Variants in KLHL18 observed in about 807,000 individuals in gnomAD.
The protein encoded by KLHL18 is kelch like family member 18.
In KLHL18, 38 loss-of-function variants were observed where a neutral mutation model predicts 58.5. The observed-to-expected ratio is 0.65, with a 90% CI of 0.50 to 0.85. The LOEUF is 0.85. Among genes scored for constraint, KLHL18 ranks in the 40% least tolerant of loss-of-function variants. The pLI is 0.00. For synonymous variants in KLHL18, 303 were observed against 301.9 expected (o/e 1.00, Z -0.04); for missense variants, 624 against 778.4 (o/e 0.80, Z 2.36).
At chr3:47,290,763 A>G (rs1402482033) in intron 1 of KLHL18, among the ~76,000 whole-genome samples, 1 of 152,182 alleles carries the variant, frequency 6.6e-6, no homozygotes, top group African/African-American at 2.4e-5. Flanking sequence ...CACCTGGCCC[A>G]GCCTTGTCTC....
chr3:47,335,695 A>T (rs1488294510), intron 6 of KLHL18, among the ~76,000 whole-genome samples: 2 of 152,110 alleles, frequency 1.3e-5, no homozygotes, highest in African/African-American at 2.4e-5. Context: ...TTTAGTAGAG[A>T]TGGGGTTTCA....
intron 3 of KLHL18, among the ~76,000 whole-genome samples, chr3:47,324,165 A>G (rs892602264): frequency 5.9e-5 from 9 of 152,026 alleles, no homozygotes; most frequent in African/African-American, 1.9e-4. Context: ...CAGAGGGTGC[A>G]TATGGAGATG....
intron 1 of KLHL18, among the ~76,000 whole-genome samples, chr3:47,294,109 G>A (rs992012941): frequency 6.6e-6 from 1 of 152,116 alleles, no homozygotes; most frequent in African/African-American, 2.4e-5. Flanking sequence ...AATTCTTACC[G>A]ACCTTCTAGT....
intron 1 of KLHL18, among the ~76,000 whole-genome samples, chr3:47,308,518 G>A (rs1559491911): frequency 1.3e-5 from 2 of 152,180 alleles, no homozygotes; most frequent in South Asian, 2.1e-4. Context: ...AGCCTCCCAA[G>A]TAGCTGGGAC....
chr3:47,290,315 T>C (rs1320282189), intron 1 of KLHL18, among the ~76,000 whole-genome samples: 2 of 152,230 alleles, frequency 1.3e-5, no homozygotes, highest in African/African-American at 4.8e-5. Flanking sequence ...TCTACTAGTC[T>C]TTTAGACATA....
Position 47,332,635 on chromosome 3 carries a change from A to G in KLHL18, c.601-522A>G, listed in dbSNP as rs527482113. ...CAGCTCACATTTCTTTGAGTGATACATTTCATAAGGGCTGTAGGGCTTTAG... is the reference window on the plus strand; with the variant it reads ...CAGCTCACATTTCTTTGAGTGATACGTTTCATAAGGGCTGTAGGGCTTTAG... On this transcript the variant is annotated intron_variant, in intron 4 of 9. Transcript: ENST00000232766. 2.6e-5 allele frequency among the ~76,000 whole-genome samples: 4 copies of G among 151,958 alleles called. No individual in the cohort carries two copies. The South Asian group carries it at 8.3e-4, about 32-fold the overall frequency.
At position 47,346,222 on chromosome 3, in the gene KLHL18, C is replaced by G. The variant is rs1704222944; in HGVS notation, c.*2281C>G. The G allele has an allele frequency of 6.6e-6, 1 of 152,620 alleles. No individual in the cohort carries two copies. The highest frequency in any genetic ancestry group is 2.4e-5 in the African/African-American group (1 of 41,438). The allele number at this position is 152,620 out of a possible 1,614,324, so 9.5% of individuals were successfully genotyped here. ...ATGGCAGATCATTTTCTACCATGGCCTGCTGCTCTTGTAGTGGACTTCCTG... is the reference window on the plus strand; with the variant it reads ...ATGGCAGATCATTTTCTACCATGGCGTGCTGCTCTTGTAGTGGACTTCCTG... On this transcript the variant is annotated 3_prime_UTR_variant, in exon 10 of 10. Transcript: ENST00000232766.
intron 3 of KLHL18, among the ~76,000 whole-genome samples, chr3:47,326,861 CGGTGAGCCGAGA>C (rs568904382): frequency 4.8e-4 from 73 of 151,014 alleles, no homozygotes; most frequent in African/African-American, 1.8e-3. Context: ...GTGGAGGTTG[CGGTGAGCCGAGA>C]TCGTGCCATT....
chr3:47,343,713 T>C lies in KLHL18; in HGVS notation c.1497T>C (p.Ser499=). The C allele has an allele frequency of 6.2e-7, 1 of 1,614,190 alleles. No individual in the cohort carries two copies. The highest frequency in any genetic ancestry group is 8.5e-7 in the Non-Finnish European group (1 of 1,180,044). The change falls in exon 10 of 10, where the codon TCT becomes TCC. Residue 499 remains serine, a synonymous_variant. Coordinates refer to ENST00000232766, the MANE Select transcript of KLHL18 (RefSeq NM_025010.5). The part of the protein sequence containing the change: ...GFLSIAEMYS[S]VADQWCLIVP... ...TCAGCATTGCCGAGATGTACAGCTC[T>C]GTGGCAGACCAGTGGTGCCTGATTG...
intron 1 of KLHL18, among the ~76,000 whole-genome samples, chr3:47,305,334 GTTTTTTTT>G (rs397744565): frequency 1.4e-5 from 1 of 70,388 alleles, no homozygotes; most frequent in Non-Finnish European, 2.7e-5. Flanking sequence ...ATTTTGTCAA[GTTTTTTTT>G]TTTTTTTTTT....
intron 1 of KLHL18, among the ~76,000 whole-genome samples, chr3:47,294,108 C>T (rs558503181): frequency 3.6e-4 from 55 of 152,228 alleles, no homozygotes; most frequent in African/African-American, 9.6e-4. Context: ...GAATTCTTAC[C>T]GACCTTCTAG....
At position 47,334,766 on chromosome 3, in the gene KLHL18, G is replaced by A. The variant is rs762159235; in HGVS notation, c.845G>A (p.Cys282Tyr). 1.2e-6 allele frequency: 2 copies of A among 1,614,162 alleles called. No homozygotes were observed. Among genetic ancestry groups the A allele is most frequent in the Non-Finnish European group, 1.7e-6 (2 of 1,180,022 alleles). The change falls in exon 6 of 10, where the codon TGC becomes TAC. Residue 282 changes from cysteine (C) to tyrosine (Y), a missense_variant. Cys to Tyr is a radical substitution (Grantham distance 194). Coordinates refer to ENST00000232766, the MANE Select transcript of KLHL18 (RefSeq NM_025010.5). This position sits in a 1 kb window ranked among gnomAD's most constrained non-coding sequence, Gnocchi z 4.7. ...CCAGCTTTCAGAACCCGGCCACGCT[G>A]CTGCACATCCATCGCTGGACTTATC... is the stretch of plus-strand genomic sequence containing the variant. ...HLPAFRTRPR[C>Y]CTSIAGLIYA... is the part of the protein sequence containing the mutation.
chr3:47,298,371 A>G (rs556226671), intron 1 of KLHL18, among the ~76,000 whole-genome samples: 5 of 151,368 alleles, frequency 3.3e-5, no homozygotes, highest in African/African-American at 4.8e-5. Flanking sequence ...AAAAAAAAAA[A>G]AGAGAAAAAA....
rs1157598329 is a variant in KLHL18, at chr3:47,330,052, TG to T, written c.505del (p.Glu169ArgfsTer25). 1.2e-6 allele frequency: 2 copies of T among 1,614,178 alleles called. No individual in the cohort carries two copies. The highest frequency in any genetic ancestry group is 8.5e-7 in the Non-Finnish European group (1 of 1,180,026). ...AACAGCTTCATCCACCAGCACTTTG[TG>T]GAGGTGTCCATGTCAGAAGAGTTCC... ...AANSFIHQHFVEVSMSEEFLA... is the reference protein window; with the variant it reads ...AANSFIHQHFXEVSMSEEFLA... On this transcript the variant is annotated frameshift_variant, in exon 4 of 10. Coordinates refer to ENST00000232766, the MANE Select transcript of KLHL18 (RefSeq NM_025010.5). LOFTEE classifies it high-confidence loss of function.
chr3:47,283,081 A>G lies in KLHL18; in HGVS notation c.116A>G (p.Asp39Gly). Residue 39 changes from aspartate (D) to glycine (G), a missense_variant, in exon 1 of 10, where the codon GAC (aspartate) becomes GGC (glycine). Asp to Gly is a moderately conservative substitution (Grantham distance 94). Transcript: ENST00000232766. ...ATCCGGCGGCAGGGCAAGCTGTGCGACGTGACCCTCAAGGTACCGCGGACT... is the reference window on the plus strand; with the variant it reads ...ATCCGGCGGCAGGGCAAGCTGTGCGGCGTGACCCTCAAGGTACCGCGGACT... ...EEIRRQGKLC[D>G]VTLKIGDHKF... 6.3e-7 allele frequency: 1 copy of G among 1,583,522 alleles called. No individual in the cohort carries two copies. The highest frequency in any genetic ancestry group is 1.1e-5 in the South Asian group (1 of 87,120).
chr3:47,286,165 C>A (rs558107929), intron 1 of KLHL18, among the ~76,000 whole-genome samples: 22 of 152,254 alleles, frequency 1.4e-4, no homozygotes, highest in South Asian at 1.0e-3. Context: ...TAATAAAAAG[C>A]CTTCAGTGGG....
intron 3 of KLHL18, among the ~76,000 whole-genome samples, 180 bp downstream of exon 3, chr3:47,322,888 G>T (rs1440162818): frequency 1.3e-5 from 2 of 152,104 alleles, no homozygotes; most frequent in Non-Finnish European, 2.9e-5. Context: ...TCTTTGAGAT[G>T]AATTTTTTCA....
intron 8 of KLHL18, among the ~76,000 whole-genome samples, chr3:47,341,824 A>C (rs1704114262): frequency 2.0e-5 from 3 of 151,290 alleles, no homozygotes; most frequent in Admixed American, 2.0e-4. Flanking sequence ...TTGGGAGGCC[A>C]AGGCAGGAAG....
At chr3:47,340,454 C>G (rs1704082299) in intron 7 of KLHL18, 118 bp from the exon 8 acceptor site, 1 of 1,479,402 alleles carries the variant, frequency 6.8e-7, no homozygotes, top group African/African-American at 1.4e-5. Context: ...TACTTAGTCA[C>G]ATACCTTAGA....
Sources: allele counts gnomAD v4.1 joint callset (sites outside exome capture counted in the v4.1 genomes callset), GRCh38; gene constraint gnomAD v4.1.1; non-coding constraint Gnocchi (gnomAD v3.1); transcripts MANE v1.5; gene names NCBI Gene and HGNC (gene_info 2026-07-23, HGNC 2026-07-21).